Variants in SRPRB observed in about 807,000 individuals in gnomAD.
SRPRB encodes the protein signal recognition particle receptor subunit beta.
In SRPRB, 20 loss-of-function variants were observed where a neutral mutation model predicts 31.9. The ratio of observed to expected loss-of-function variants is 0.63; its 90% confidence interval spans 0.44 to 0.91. SRPRB has a LOEUF of 0.91. Ranked by LOEUF, SRPRB falls within the 40% of genes least tolerant of loss-of-function variation. The pLI is 0.00. For missense variants in SRPRB, 321 were observed against 324.9 expected, an observed-to-expected ratio of 0.99 and a Z score of 0.09; for synonymous variants, 146 against 132.8, an observed-to-expected ratio of 1.10 and a Z score of -0.68.
chr3:133,797,690 G>T (rs1934999271), intron 1 of SRPRB, among the ~76,000 whole-genome samples: 1 of 152,188 alleles, frequency 6.6e-6, no homozygotes, highest in Non-Finnish European at 1.5e-5. Flanking sequence ...CCGTGAGTTA[G>T]ATTAGTTCAG....
At chr3:133,822,930 C>T (rs6773354), downstream of SRPRB, among the ~76,000 whole-genome samples, 22,026 of 152,228 alleles carry the variant, frequency 0.14, 2,301 homozygotes, top group East Asian at 0.43. Flanking sequence ...GAGCCTTGTA[C>T]GCATTTATCC....
chr3:133,809,280 A>G (rs560592443), intron 3 of SRPRB, among the ~76,000 whole-genome samples: 2 of 152,294 alleles, frequency 1.3e-5, no homozygotes, highest in East Asian at 3.9e-4. Context: ...GGCGTGAGCC[A>G]CTGCACCCAG....
At chr3:133,816,807 T>G in intron 5 of SRPRB, 71 bp from the exon 6 acceptor site, 2 of 1,238,556 alleles carry the variant, frequency 1.6e-6, no homozygotes, top group Non-Finnish European at 1.1e-6. Flanking sequence ...GAATTTTCCT[T>G]CTGTGTAAGA....
upstream of SRPRB, among the ~76,000 whole-genome samples, chr3:133,804,859 T>G (rs1360430614): frequency 6.6e-6 from 1 of 152,236 alleles, no homozygotes; most frequent in Non-Finnish European, 1.5e-5. Flanking sequence ...TACAATTAAA[T>G]TAAATAATGT....
intron 6 of SRPRB, among the ~76,000 whole-genome samples, chr3:133,818,112 A>G (rs1383949741): frequency 1.3e-5 from 2 of 152,136 alleles, no homozygotes; most frequent in Admixed American, 1.3e-4. Context: ...CTTGGATTGT[A>G]TCTGTTGCTG....
chr3:133,822,599 C>T (rs73861220), downstream of SRPRB, among the ~76,000 whole-genome samples: 212 of 152,322 alleles, frequency 1.4e-3, no homozygotes, highest in African/African-American at 5.0e-3. Flanking sequence ...TGTCTCAGTG[C>T]CTCCTGGGCT....
rs11371594 is a variant in SRPRB at position 133,820,656 on chromosome 3, GAAAA to G, written c.*898_*901del. On this transcript the variant is annotated 3_prime_UTR_variant, in exon 7 of 7. Transcript: ENST00000678299. ...TGAAGTGCATATTCATTGATGCCAA[GAAAA>G]AAAAAAAGTTGCCTTTTTGAAGTGA... is the stretch of plus-strand genomic sequence containing the variant. 6.8e-6 allele frequency: 1 copy of G among 147,188 alleles called. No homozygotes were observed. The highest frequency in any genetic ancestry group is 1.5e-5 in the Non-Finnish European group (1 of 66,572). The allele number at this position is 147,188 out of a possible 1,614,324, so 9.1% of individuals were successfully genotyped here.
At chr3:133,815,812 T>C (rs753235551) in intron 5 of SRPRB, 86 bp downstream of exon 5, 341 of 1,481,202 alleles carry the variant, frequency 2.3e-4, no homozygotes, top group Non-Finnish European at 3.0e-4. Context: ...ACAGTTGTTA[T>C]TATTGAGGAT....
At chr3:133,795,331 G>A (rs750553313) in intron 1 of SRPRB, 2 of 152,152 alleles carry the variant, frequency 1.3e-5, no homozygotes, top group East Asian at 1.9e-4. Context: ...TCCCTGGTGT[G>A]CTGTATTCTC....
chr3:133,801,292 T>G (rs1297884115), upstream of SRPRB, among the ~76,000 whole-genome samples: 1 of 152,204 alleles, frequency 6.6e-6, no homozygotes, highest in Non-Finnish European at 1.5e-5. Flanking sequence ...AACTAAAAAC[T>G]TATCAGCAGG....
Position 133,789,064 on chromosome 3 carries a change from G to A in SRPRB, c.-174+4920G>A, listed in dbSNP as rs1004622241. 3.3e-5 allele frequency: 5 copies of A among 152,420 alleles called. No homozygotes were observed. The East Asian group carries it at 9.6e-4, about 29-fold the overall frequency. 9.4% of individuals were successfully genotyped at this position (152,420 alleles called of 1,614,324 possible). A position where few individuals can be genotyped will look rare whatever the true frequency, so the allele number is the denominator to read the frequency against. ...AAAGCGGCACTGGTGCCCACGTAAG[G>A]TCAGAGATGCCTGACACTCTTAAGA... On this transcript the variant is annotated intron_variant, in intron 1 of 7. Transcript: ENST00000466490.
chr3:133,788,777 G>A (rs1281386264), intron 1 of SRPRB: 1 of 152,254 alleles, frequency 6.6e-6, no homozygotes. Context: ...TGATTCCTAT[G>A]TGTGGCGCAG....
upstream of SRPRB, chr3:133,805,806 G>T: frequency 6.3e-7 from 1 of 1,574,984 alleles, no homozygotes. Flanking sequence ...CAGAGTGCAG[G>T]GCCACGTCGC....
At chr3:133,824,722 CCCAAAATA>C (rs899581394), downstream of SRPRB, 1 of 152,110 alleles carries the variant, frequency 6.6e-6, no homozygotes, top group Non-Finnish European at 1.5e-5. Context: ...AGTAGAGGAG[CCCAAAATA>C]CCACCAATAT....
upstream of SRPRB, among the ~76,000 whole-genome samples, chr3:133,802,436 G>C (rs1044651689): frequency 6.6e-6 from 1 of 151,990 alleles, no homozygotes; most frequent in Admixed American, 6.6e-5. Flanking sequence ...TTAGAATGAT[G>C]CTTGGCACCA....
At chr3:133,824,825 C>G (rs957418297), downstream of SRPRB, 1 of 152,110 alleles carries the variant, frequency 6.6e-6, no homozygotes, top group African/African-American at 2.4e-5. Flanking sequence ...CACAGCAGTC[C>G]TTGCTGTGTA....
chr3:133,795,454 C>T (rs148883475), intron 1 of SRPRB: 8 of 152,006 alleles, frequency 5.3e-5, no homozygotes, highest in East Asian at 3.9e-4. Flanking sequence ...CTGTAACCTA[C>T]GAATGATGTG....
chr3:133,800,895 G>A (rs538583982), upstream of SRPRB, among the ~76,000 whole-genome samples: 11 of 152,228 alleles, frequency 7.2e-5, no homozygotes, highest in East Asian at 5.8e-4. Flanking sequence ...TAACGTGTTC[G>A]TTTGTATTTA....
chr3:133,804,661 T>C (rs1012532592), upstream of SRPRB, among the ~76,000 whole-genome samples: 4 of 152,174 alleles, frequency 2.6e-5, no homozygotes, highest in Non-Finnish European at 5.9e-5. Flanking sequence ...ACAGTTTTTG[T>C]CATCAGGCAT....
Sources: gnomAD v4.1 joint callset for allele counts (sites outside exome capture counted in the v4.1 genomes callset) on GRCh38, gnomAD v4.1.1 for gene constraint, MANE v1.5 for transcripts, NCBI Gene and HGNC (gene_info 2026-07-23, HGNC 2026-07-21) for gene names.